The following EIF2AK4 variants were observed in gnomAD, a reference collection of about 807,000 sequenced individuals.
EIF2AK4 encodes the protein eukaryotic translation initiation factor 2 alpha kinase 4, also known as eIF-2-alpha kinase GCN2.
Under a neutral mutation model 211.1 loss-of-function variants are expected in EIF2AK4, and 139 were observed. The observed-to-expected ratio is 0.66, with a 90% CI of 0.57 to 0.76. The LOEUF (loss-of-function observed/expected upper bound fraction) is 0.76. EIF2AK4 is among the 30% of genes least tolerant of loss of function. EIF2AK4 has a pLI of 0.00. For missense variants in EIF2AK4, 1,664 were observed against 2,043.8 expected (o/e 0.81, Z 3.58); for synonymous variants, 710 against 751.3 (o/e 0.94, Z 0.90).
intron 29 of EIF2AK4, 87 bp from the exon 30 acceptor site, chr15:40,019,006 A>C: frequency 3.2e-6 from 3 of 948,972 alleles, no homozygotes; most frequent in Non-Finnish European, 4.8e-6. Context: ...AGCTGCTGAC[A>C]GAGTGCTCAC....
intron 1 of EIF2AK4, among the ~76,000 whole-genome samples, chr15:39,935,782 A>G (rs754993921): frequency 3.3e-5 from 5 of 152,230 alleles, no homozygotes; most frequent in African/African-American, 4.8e-5. Flanking sequence ...TATTTGTTTT[A>G]GGCATTAGGA....
chr15:39,938,277 T>C (rs1349304038), intron 1 of EIF2AK4, among the ~76,000 whole-genome samples: 2 of 152,128 alleles, frequency 1.3e-5, no homozygotes, highest in Non-Finnish European at 2.9e-5. Flanking sequence ...GGTGAATGAG[T>C]GGATGAAAGA....
At chr15:39,936,534 T>C (rs964377137) in intron 1 of EIF2AK4, among the ~76,000 whole-genome samples, 3 of 152,120 alleles carry the variant, frequency 2.0e-5, no homozygotes, top group African/African-American at 7.2e-5. Flanking sequence ...TGCCTCAGCC[T>C]CCTGAGCAGC....
chr15:39,946,433 G>T (rs770569127), intron 3 of EIF2AK4, among the ~76,000 whole-genome samples: 2 of 152,226 alleles, frequency 1.3e-5, no homozygotes, highest in African/African-American at 2.4e-5. Context: ...TGACTGAATT[G>T]CTGCAACCTC....
Position 40,019,158 on chromosome 15 carries a change from TA to T in EIF2AK4, c.4132del (p.Ile1378Ter). Reference protein sequence around the residue: ...VPTAIGVSIAIDKISAAVLNM... With the variant: ...VPTAIGVSIAXDKISAAVLNM... ...CCACTGCCATTGGGGTCAGCATAGCTATAGACAAGATATCTGCTGCTGTCCT... is the reference window on the plus strand; with the variant it reads ...CCACTGCCATTGGGGTCAGCATAGCTTAGACAAGATATCTGCTGCTGTCCT... On this transcript the variant is annotated frameshift_variant, in exon 30 of 39. Coordinates refer to ENST00000263791, the MANE Select transcript of EIF2AK4 (RefSeq NM_001013703.4). LOFTEE classifies it high-confidence loss of function. 6.2e-7 allele frequency: 1 copy of T among 1,604,734 alleles called. No individual in the cohort carries two copies. The highest frequency in any genetic ancestry group is 8.5e-7 in the Non-Finnish European group (1 of 1,175,606).
At chr15:39,985,757 T>C (rs1466784588) in intron 13 of EIF2AK4, 48 bp from the exon 14 acceptor site, 1 of 1,597,150 alleles carries the variant, frequency 6.3e-7, no homozygotes, top group Admixed American at 1.7e-5. Flanking sequence ...ATGATTTTGC[T>C]TAATTTTGGC....
At chr15:40,019,227 TACTTCGA>T in intron 30 of EIF2AK4, 27 bp downstream of exon 30, 1 of 1,488,792 alleles carries the variant, frequency 6.7e-7, no homozygotes, top group South Asian at 1.3e-5. Context: ...CTTCCCAGCA[TACTTCGA>T]GGTGTCTTTC....
At chr15:40,032,286 C>CA in intron 36 of EIF2AK4, 49 bp downstream of exon 36, 2 of 1,544,712 alleles carry the variant, frequency 1.3e-6, no homozygotes, top group Non-Finnish European at 1.8e-6. Context: ...TCCATACTGT[C>CA]AAAGTAGTTG....
intron 37 of EIF2AK4, among the ~76,000 whole-genome samples, chr15:40,034,016 G>A (rs921893157): frequency 3.0e-5 from 4 of 134,698 alleles, no homozygotes; most frequent in East Asian, 2.1e-4. Context: ...CAACAAGACC[G>A]AAACTCCATC....
Position 40,017,547 on chromosome 15 carries a change from A to ATG in EIF2AK4, c.4065+306_4065+307insGT, listed in dbSNP as rs1361348564. ...TATATATATATATATATATATATAT[A>ATG]TATATATGTATTTTGGAGACAGGGC... On this transcript the variant is annotated intron_variant, in intron 29 of 38. Transcript: ENST00000263791. 4.7e-3 allele frequency among the ~76,000 whole-genome samples: 261 copies of ATG among 55,140 alleles called. 21 individuals carry two copies. The highest frequency in any genetic ancestry group is 0.012 in the South Asian group (22 of 1,784). 36.2% of individuals were successfully genotyped at this position (55,140 alleles called of 152,430 possible).
intron 32 of EIF2AK4, among the ~76,000 whole-genome samples, chr15:40,022,859 C>T (rs1416527689): frequency 4.6e-5 from 7 of 152,108 alleles, no homozygotes; most frequent in Admixed American, 1.3e-4. Flanking sequence ...TCAGCCTCCC[C>T]GGTAGCTGGG....
intron 13 of EIF2AK4, among the ~76,000 whole-genome samples, chr15:39,982,239 T>C (rs1293666387): frequency 1.3e-5 from 2 of 152,192 alleles, no homozygotes; most frequent in African/African-American, 2.4e-5. Flanking sequence ...TTTTAAATTG[T>C]TTTACCTAAA....
chr15:39,965,734 C>A lies in EIF2AK4; in HGVS notation c.908C>A (p.Ala303Asp). 1 of 1,614,050 alleles carries A rather than the reference C, an allele frequency of 6.2e-7. No homozygotes were observed. The highest frequency in any genetic ancestry group is 8.5e-7 in the Non-Finnish European group (1 of 1,179,964). Reference sequence around the variant, plus strand: ...TTAGTCTACAATGCTTTGGAAACAGCCACTGGTGGCTTTGTCTTGTTGTAT... The same window carrying A: ...TTAGTCTACAATGCTTTGGAAACAGACACTGGTGGCTTTGTCTTGTTGTAT... ...GKLVYNALET[A>D]TGGFVLLYEW... Residue 303 changes from alanine (A) to aspartate (D), a missense_variant, in exon 8 of 39, where the codon GCC (alanine) becomes GAC (aspartate). Physicochemically the swap from Ala to Asp is moderately radical, Grantham distance 126. Around this residue, in one of 7 missense-constraint regions of EIF2AK4, gnomAD observed 641 missense variants for 729.6 expected, o/e 0.88. Coordinates refer to ENST00000263791, the MANE Select transcript of EIF2AK4 (RefSeq NM_001013703.4).
intron 13 of EIF2AK4, among the ~76,000 whole-genome samples, chr15:39,982,661 C>T (rs558607925): frequency 3.9e-5 from 6 of 151,978 alleles, no homozygotes; most frequent in Non-Finnish European, 8.8e-5. Context: ...TTGTCATCTA[C>T]ATTAGGTATT....
intron 6 of EIF2AK4, among the ~76,000 whole-genome samples, chr15:39,957,324 A>C (rs915244800): frequency 6.6e-6 from 1 of 152,080 alleles, no homozygotes; most frequent in African/African-American, 2.4e-5. Flanking sequence ...TGACCCCAAC[A>C]CTTTGGGATG....
At chr15:40,023,900 AT>A (rs1165317514) in intron 32 of EIF2AK4, among the ~76,000 whole-genome samples, 6 of 152,214 alleles carry the variant, frequency 3.9e-5, no homozygotes, top group African/African-American at 1.4e-4. Context: ...CTTGGACCAA[AT>A]TCAGCCCATA....
At position 39,973,446 on chromosome 15, in the gene EIF2AK4, A is replaced by G. The variant is rs1405683016; in HGVS notation, c.1661-146A>G. 6 of 806,992 alleles carry G rather than the reference A, an allele frequency of 7.4e-6. No individual in the cohort carries two copies. In the African/African-American group the frequency reaches 1.0e-4, roughly 14 times the overall value. 50.0% of individuals were successfully genotyped at this position (806,992 alleles called of 1,614,324 possible). On this transcript the variant is annotated intron_variant, in intron 10 of 38. Transcript: ENST00000263791. ...ACTTTAAGGAGGGCAAGGTGAGGAA[A>G]AGTTTTAAAAGGCCACTCAGGTAAG...
chr15:40,021,947 A>G (rs1185476945), intron 31 of EIF2AK4: 2 of 152,020 alleles, frequency 1.3e-5, no homozygotes, highest in African/African-American at 4.8e-5. Flanking sequence ...CTGAGCAACA[A>G]TTTTTAATCA....
At chr15:39,990,930 C>A (rs1223680044) in intron 16 of EIF2AK4, among the ~76,000 whole-genome samples, 1 of 152,198 alleles carries the variant, frequency 6.6e-6, no homozygotes, top group East Asian at 1.9e-4. Context: ...GCAGACTTGG[C>A]TGTCGGAAGA....
Sources: gnomAD v4.1 joint callset for allele counts (sites outside exome capture counted in the v4.1 genomes callset) on GRCh38, gnomAD v4.1.1 for gene constraint, gnomAD v4.1.1 regional missense constraint, MANE v1.5 for transcripts, NCBI Gene and HGNC (gene_info 2026-07-23, HGNC 2026-07-21) for gene names.